The following NTNG1 variants were observed in gnomAD, a reference collection of about 807,000 sequenced individuals.
NTNG1 encodes netrin G1.
NTNG1 carries 16 observed loss-of-function variants against 54.0 expected under a neutral mutation model. The observed-to-expected ratio is 0.30, with a 90% CI of 0.20 to 0.45. The LOEUF is 0.45. Ranked by LOEUF, NTNG1 falls within the 20% of genes least tolerant of loss-of-function variation. The pLI, the probability that NTNG1 is intolerant of heterozygous loss-of-function variation, is 1.00. For synonymous variants in NTNG1, 255 were observed against 263.1 expected (o/e 0.97, Z 0.30); for missense variants, 530 against 678.7 (o/e 0.78, Z 2.43).
At chr1:107,296,719 T>C (rs1179616374) in intron 2 of NTNG1, among the ~76,000 whole-genome samples, 1 of 148,062 alleles carries the variant, frequency 6.8e-6, no homozygotes, top group Non-Finnish European at 1.5e-5. Flanking sequence ...TTAATATAAT[T>C]CCAGTTATAT....
intron 2 of NTNG1, among the ~76,000 whole-genome samples, chr1:107,152,100 A>G (rs1162652247): frequency 6.6e-6 from 1 of 151,988 alleles, no homozygotes; most frequent in Non-Finnish European, 1.5e-5. Flanking sequence ...ACATACATAT[A>G]TATAAATTGC....
At chr1:107,246,305 G>A (rs191712508) in intron 2 of NTNG1, among the ~76,000 whole-genome samples, 13 of 151,938 alleles carry the variant, frequency 8.6e-5, no homozygotes, top group East Asian at 3.9e-4. Flanking sequence ...TGCCCACCTC[G>A]GCCTCCAAAA....
Position 107,395,208 on chromosome 1 carries a change from A to G in NTNG1, c.942A>G (p.Thr314=), listed in dbSNP as rs556691045. 2 of 1,613,552 alleles carry G rather than the reference A, an allele frequency of 1.2e-6. No homozygotes were observed. Among genetic ancestry groups the G allele is most frequent in the Admixed American group, 3.3e-5 (2 of 59,982 alleles). The change falls in exon 4 of 8, where the codon ACA becomes ACG. Residue 314 remains threonine, a synonymous_variant. Coordinates refer to ENST00000370068, the MANE Select transcript of NTNG1 (RefSeq NM_001113226.3). ...GTGTGTATGACAACAGCAAATTGAC[A>G]TGCGAATGTGAGCACAACACTACAG... ...TVCVYDNSKL[T]CECEHNTTGP... is the part of the protein sequence containing the mutation.
intron 4 of NTNG1, among the ~76,000 whole-genome samples, chr1:107,398,725 C>A (rs1381218982): frequency 2.6e-5 from 4 of 152,056 alleles, no homozygotes; most frequent in African/African-American, 9.7e-5. Flanking sequence ...CTTTCTTTTT[C>A]TACAAAGCTT....
At chr1:107,401,427 A>C (rs1163732195) in intron 4 of NTNG1, among the ~76,000 whole-genome samples, 3 of 152,172 alleles carry the variant, frequency 2.0e-5, no homozygotes, top group Non-Finnish European at 4.4e-5. Flanking sequence ...ATGATTTGGA[A>C]TTCAACATCT....
intron 4 of NTNG1, among the ~76,000 whole-genome samples, chr1:107,404,742 G>C (rs1673294291): frequency 6.6e-6 from 1 of 152,072 alleles, no homozygotes. Context: ...ATGGAGGCCT[G>C]TACAAAATGC....
intron 3 of NTNG1, among the ~76,000 whole-genome samples, chr1:107,334,674 T>A (rs1412084277): frequency 6.6e-6 from 1 of 151,882 alleles, no homozygotes; most frequent in Non-Finnish European, 1.5e-5. Flanking sequence ...AACAGAATGG[T>A]TAAATGAATT....
chr1:107,167,645 G>A (rs949228823), intron 2 of NTNG1, among the ~76,000 whole-genome samples: 2 of 151,866 alleles, frequency 1.3e-5, no homozygotes, highest in African/African-American at 2.4e-5. Flanking sequence ...AAATAGTTGT[G>A]AGATTGCTGG....
chr1:107,399,727 G>A (rs1043289916), intron 4 of NTNG1, among the ~76,000 whole-genome samples: 1 of 152,166 alleles, frequency 6.6e-6, no homozygotes, highest in Non-Finnish European at 1.5e-5. Context: ...AGCTAGAAAG[G>A]GTTAAAGGGA....
At chr1:107,254,570 G>C (rs1339922432) in intron 2 of NTNG1, among the ~76,000 whole-genome samples, 1 of 152,216 alleles carries the variant, frequency 6.6e-6, no homozygotes, top group East Asian at 1.9e-4. Context: ...AACTTCATGG[G>C]GTTATGTGAT....
chr1:107,186,065 C>T (rs1234730847), intron 2 of NTNG1, among the ~76,000 whole-genome samples: 2 of 152,092 alleles, frequency 1.3e-5, no homozygotes, highest in African/African-American at 4.8e-5. Flanking sequence ...TCTATTATTC[C>T]ACTATGCATG....
chr1:107,217,070 T>G (rs1401306020), intron 2 of NTNG1, among the ~76,000 whole-genome samples: 1 of 152,244 alleles, frequency 6.6e-6, no homozygotes, highest in Non-Finnish European at 1.5e-5. Flanking sequence ...TAAATCTGTC[T>G]GGTCCCAGAC....
At chr1:107,267,482 C>T (rs1002392658) in intron 2 of NTNG1, among the ~76,000 whole-genome samples, 1 of 152,156 alleles carries the variant, frequency 6.6e-6, no homozygotes, top group Non-Finnish European at 1.5e-5. Context: ...TCAACTGTAG[C>T]TTGTCCCGTA....
chr1:107,291,866 A>T lies in NTNG1; in HGVS notation c.247-32416A>T, dbSNP rs542742091. ...CTGTTACATCAAAAACATTCATAAG[A>T]AATATTCAAATGACAAACTAGAGAC... On this transcript the variant is annotated intron_variant, in intron 2 of 7. Transcript: ENST00000370068. Among the ~76,000 whole-genome samples the T allele has an allele frequency of 4.6e-5, 7 of 152,340 alleles. No individual in the cohort carries two copies. The South Asian group carries it at 1.2e-3, about 27-fold the overall frequency.
intron 4 of NTNG1, among the ~76,000 whole-genome samples, chr1:107,398,324 C>T (rs1262464854): frequency 6.6e-6 from 1 of 152,134 alleles, no homozygotes; most frequent in African/African-American, 2.4e-5. Context: ...TGTTCACCTT[C>T]ACAAGTTTTA....
chr1:107,284,163 C>T (rs1257513113), intron 2 of NTNG1, among the ~76,000 whole-genome samples: 1 of 152,030 alleles, frequency 6.6e-6, no homozygotes, highest in Non-Finnish European at 1.5e-5. Context: ...GTGGCTAACA[C>T]GATCTCTTTC....
intron 2 of NTNG1, among the ~76,000 whole-genome samples, chr1:107,214,046 AATAAAT>A (rs1458156576): frequency 6.6e-6 from 1 of 152,150 alleles, no homozygotes; most frequent in Non-Finnish European, 1.5e-5. Context: ...TGATAGTTTT[AATAAAT>A]ATAAGTTCTT....
intron 3 of NTNG1, among the ~76,000 whole-genome samples, chr1:107,364,197 T>C (rs1670456302): frequency 6.6e-6 from 1 of 152,232 alleles, no homozygotes; most frequent in Non-Finnish European, 1.5e-5. Context: ...ACGTATTTTA[T>C]ATAATTGTTT....
chr1:107,258,300 C>T (rs1244256668), intron 2 of NTNG1, among the ~76,000 whole-genome samples: 1 of 138,152 alleles, frequency 7.2e-6, no homozygotes, highest in Admixed American at 7.2e-5. Context: ...AAAAAAAAAA[C>T]CCATGATATT....
Sources: allele counts gnomAD v4.1 joint callset (sites outside exome capture counted in the v4.1 genomes callset), GRCh38; gene constraint gnomAD v4.1.1; transcripts MANE v1.5; gene names NCBI Gene and HGNC (gene_info 2026-07-23, HGNC 2026-07-21).